GPR39: variants seen among roughly 807,000 people sequenced by gnomAD.
GPR39 encodes zinc sensing receptor.
A neutral mutation model predicts 18.4 loss-of-function variants in GPR39; 23 were observed. The ratio of observed to expected loss-of-function variants is 1.25; its 90% CI spans 0.90 to 1.77. GPR39 has a LOEUF of 1.77. GPR39 is among the 40% of genes most tolerant of loss of function. The probability of loss-of-function intolerance (pLI) is 0.00; values close to 1 mark genes in which losing one functional copy is unlikely to be tolerated. For missense variants in GPR39, 647 were observed against 602.4 expected (o/e 1.07, Z -0.78); for synonymous variants, 280 against 257.9 (o/e 1.09, Z -0.82).
At chr2:132,501,191 T>A (rs1283050487) in intron 1 of GPR39, among the ~76,000 whole-genome samples, 1 of 152,016 alleles carries the variant, frequency 6.6e-6, no homozygotes. Flanking sequence ...ATTGTCTATT[T>A]GTGCTCTTTC....
rs944475443 is a variant in GPR39, at chr2:132,628,422, G to T, written c.857-16679G>T. 1.3e-4 allele frequency among the ~76,000 whole-genome samples: 20 copies of T among 152,286 alleles called. 1 individual carries two copies. The highest frequency in any genetic ancestry group is 4.6e-4 in the African/African-American group (19 of 41,560). On this transcript the variant is annotated intron_variant, in intron 1 of 1. Transcript: ENST00000329321. ...GACTCAAATGTGGTCTCTCAAGTTT[G>T]GGAGGGCCCTGGCAGGAGAGAGGAG... is the stretch of plus-strand genomic sequence containing the variant.
At chr2:132,591,618 C>A (rs1558851008) in intron 1 of GPR39, among the ~76,000 whole-genome samples, 2 of 152,160 alleles carry the variant, frequency 1.3e-5, no homozygotes, top group Non-Finnish European at 2.9e-5. Context: ...AGCTTTGTCC[C>A]TCTAGAGAAC....
intron 1 of GPR39, among the ~76,000 whole-genome samples, chr2:132,614,184 T>TTG (rs1553460245): frequency 4.6e-5 from 7 of 150,908 alleles, no homozygotes; most frequent in African/African-American, 1.5e-4. Flanking sequence ...TTGCTTTTTT[T>TTG]TTTGTTTTTG....
chr2:132,560,257 T>A (rs909176745), intron 1 of GPR39, among the ~76,000 whole-genome samples: 1 of 152,150 alleles, frequency 6.6e-6, no homozygotes, highest in Non-Finnish European at 1.5e-5. Context: ...GGGCCCTCAA[T>A]ACATTCATCA....
chr2:132,425,643 C>A (rs1242999279), intron 1 of GPR39, among the ~76,000 whole-genome samples: 1 of 152,156 alleles, frequency 6.6e-6, no homozygotes, highest in Non-Finnish European at 1.5e-5. Flanking sequence ...AATCTGTTGA[C>A]CTTAAAATAG....
At chr2:132,578,904 G>T (rs1680576222) in intron 1 of GPR39, among the ~76,000 whole-genome samples, 2 of 151,910 alleles carry the variant, frequency 1.3e-5, no homozygotes, top group Non-Finnish European at 2.9e-5. Context: ...AATGTTTCAA[G>T]TTCATCAATC....
chr2:132,465,862 A>C (rs1022850552), intron 1 of GPR39, among the ~76,000 whole-genome samples: 4 of 152,200 alleles, frequency 2.6e-5, no homozygotes, highest in Non-Finnish European at 5.9e-5. Context: ...TGGTGTATAT[A>C]ATGTATCTGA....
At chr2:132,435,463 C>G (rs1680296651) in intron 1 of GPR39, among the ~76,000 whole-genome samples, 1 of 152,160 alleles carries the variant, frequency 6.6e-6, no homozygotes, top group South Asian at 2.1e-4. Flanking sequence ...AATACATACA[C>G]AAAATATGTG....
chr2:132,507,985 C>T (rs532008712), intron 1 of GPR39, among the ~76,000 whole-genome samples: 4 of 152,124 alleles, frequency 2.6e-5, no homozygotes, highest in Admixed American at 1.3e-4. Flanking sequence ...TTGGTTGAAT[C>T]GTTGGCCATG....
chr2:132,461,211 C>T (rs1294808411), intron 1 of GPR39, among the ~76,000 whole-genome samples: 2 of 152,112 alleles, frequency 1.3e-5, no homozygotes, highest in Non-Finnish European at 2.9e-5. Flanking sequence ...CCTTGTGTTA[C>T]AAAAGTCACT....
At chr2:132,524,713 C>T (rs1679479717) in intron 1 of GPR39, among the ~76,000 whole-genome samples, 1 of 152,146 alleles carries the variant, frequency 6.6e-6, no homozygotes, top group African/African-American at 2.4e-5. Flanking sequence ...ACACCACAGC[C>T]TCCAAAATCT....
intron 1 of GPR39, among the ~76,000 whole-genome samples, chr2:132,456,567 A>C (rs980418255): frequency 6.6e-6 from 1 of 152,156 alleles, no homozygotes; most frequent in Non-Finnish European, 1.5e-5. Flanking sequence ...CAGTTTCTTC[A>C]TAGCATCGAT....
intron 1 of GPR39, among the ~76,000 whole-genome samples, chr2:132,491,614 A>G (rs1271971412): frequency 6.6e-6 from 1 of 151,936 alleles, no homozygotes; most frequent in Non-Finnish European, 1.5e-5. Context: ...AAGGGATTCA[A>G]GCAGAAAGTG....
At chr2:132,485,934 A>G (rs1402191976) in intron 1 of GPR39, among the ~76,000 whole-genome samples, 1 of 152,174 alleles carries the variant, frequency 6.6e-6, no homozygotes, top group Admixed American at 6.5e-5. Context: ...CTTTCCCCAG[A>G]CTTATCAGAA....
intron 1 of GPR39, among the ~76,000 whole-genome samples, chr2:132,644,651 C>G (rs9967846): frequency 0.073 from 11,034 of 151,410 alleles, 1,340 homozygotes; most frequent in African/African-American, 0.25. Context: ...AAAAATATCA[C>G]TAGGTCTTCT....
intron 1 of GPR39, among the ~76,000 whole-genome samples, chr2:132,441,879 C>G (rs12617760): frequency 0.27 from 40,858 of 152,070 alleles, 7,160 homozygotes; most frequent in East Asian, 0.75. Flanking sequence ...GAGATCTTGC[C>G]GTGTGCTTGC....
At chr2:132,418,795 A>T (rs1325400998) in intron 1 of GPR39, among the ~76,000 whole-genome samples, 1 of 152,220 alleles carries the variant, frequency 6.6e-6, no homozygotes, top group African/African-American at 2.4e-5. Context: ...AAAGGGTTTT[A>T]AAATATATTT....
chr2:132,473,794 G>A (rs541592467), intron 1 of GPR39, among the ~76,000 whole-genome samples: 1 of 152,136 alleles, frequency 6.6e-6, no homozygotes, highest in Admixed American at 6.5e-5. Context: ...TCAGATTTTT[G>A]GTTGTGGCAC....
At chr2:132,421,970 T>C (rs762274010) in intron 1 of GPR39, among the ~76,000 whole-genome samples, 2 of 152,174 alleles carry the variant, frequency 1.3e-5, no homozygotes, top group Admixed American at 1.3e-4. Flanking sequence ...AGAGGTCTCA[T>C]TGGGACTTGA....
Sources: allele counts gnomAD v4.1 joint callset (sites outside exome capture counted in the v4.1 genomes callset), GRCh38; gene constraint gnomAD v4.1.1; transcripts MANE v1.5; gene names NCBI Gene and HGNC (gene_info 2026-07-23, HGNC 2026-07-21).